CSNK2A2: variants seen among roughly 807,000 people sequenced by gnomAD.
The protein encoded by CSNK2A2 is casein kinase 2 alpha 2.
A neutral mutation model predicts 54.0 loss-of-function variants in CSNK2A2; 8 were observed. The observed-to-expected ratio is 0.15, with a 90% CI of 0.09 to 0.27. The LOEUF is 0.27. Ranked by LOEUF, CSNK2A2 falls within the 10% of genes least tolerant of loss-of-function variation. The pLI is 1.00. For synonymous variants in CSNK2A2, 141 were observed against 153.9 expected (o/e 0.92, Z 0.62); for missense variants, 242 against 439.4 (o/e 0.55, Z 4.02).
chr16:58,165,004 C>T (rs1961526043), intron 10 of CSNK2A2, among the ~76,000 whole-genome samples: 1 of 152,180 alleles, frequency 6.6e-6, no homozygotes, highest in South Asian at 2.1e-4. Context: ...TTGAAACACA[C>T]GTTATCAGAG....
At chr16:58,161,532 C>CAT (rs1567460703) in intron 11 of CSNK2A2, 2 of 140,700 alleles carry the variant, frequency 1.4e-5, no homozygotes, top group African/African-American at 5.6e-5. Context: ...CACAGACACA[C>CAT]ACACAGACAC....
intron 2 of CSNK2A2, 57 bp from the exon 3 acceptor site, chr16:58,186,913 C>G: frequency 7.3e-7 from 1 of 1,371,244 alleles, no homozygotes; most frequent in Non-Finnish European, 1.0e-6. Flanking sequence ...ATAAATAAAA[C>G]TTTAAAACAA....
intron 5 of CSNK2A2, among the ~76,000 whole-genome samples, chr16:58,173,297 C>T (rs1161243305): frequency 6.6e-6 from 1 of 152,312 alleles, no homozygotes; most frequent in South Asian, 2.1e-4. Flanking sequence ...TCAGCTTTCT[C>T]TAATAAAAAG....
intron 2 of CSNK2A2, among the ~76,000 whole-genome samples, chr16:58,188,247 T>C (rs907134181): frequency 3.9e-5 from 6 of 152,224 alleles, no homozygotes; most frequent in Admixed American, 3.3e-4. Context: ...GCTGCCATGA[T>C]GACACCCGCT....
At chr16:58,167,650 T>C (rs748788554) in intron 7 of CSNK2A2, 35 bp downstream of exon 7, 44 of 1,510,426 alleles carry the variant, frequency 2.9e-5, no homozygotes, top group Non-Finnish European at 3.9e-5. Flanking sequence ...TAAGCAAGTA[T>C]AAATAACCCA....
intron 4 of CSNK2A2, 32 bp from the exon 5 acceptor site, chr16:58,174,542 T>C (rs1186234273): frequency 1.1e-5 from 17 of 1,582,826 alleles, no homozygotes; most frequent in Non-Finnish European, 1.4e-5. Context: ...AGAAAGTTAA[T>C]TTAGTCTCAC....
chr16:58,171,581 T>C (rs1961737556), intron 5 of CSNK2A2, among the ~76,000 whole-genome samples: 1 of 151,854 alleles, frequency 6.6e-6, no homozygotes, highest in Admixed American at 6.6e-5. Flanking sequence ...CATATAAAGA[T>C]ATAATCTTCA....
chr16:58,170,039 C>CA (rs112142605), intron 5 of CSNK2A2, among the ~76,000 whole-genome samples: 387 of 143,394 alleles, frequency 2.7e-3, no homozygotes, highest in Admixed American at 4.5e-3. Context: ...AAGCGGGTCT[C>CA]AAAAAAAAAA....
At chr16:58,186,370 T>C (rs189381179) in intron 3 of CSNK2A2, among the ~76,000 whole-genome samples, 1 of 152,338 alleles carries the variant, frequency 6.6e-6, no homozygotes, top group East Asian at 1.9e-4. Flanking sequence ...ATTCATTCTT[T>C]CCTTGTGTAA....
At chr16:58,180,569 T>C (rs1242033106) in intron 4 of CSNK2A2, among the ~76,000 whole-genome samples, 1 of 152,164 alleles carries the variant, frequency 6.6e-6, no homozygotes, top group East Asian at 1.9e-4. Context: ...TTGAAAGACA[T>C]CTATCCATAT....
At chr16:58,192,117 G>A (rs1277252279) in intron 2 of CSNK2A2, among the ~76,000 whole-genome samples, 4 of 152,140 alleles carry the variant, frequency 2.6e-5, no homozygotes, top group Admixed American at 6.5e-5. Context: ...ACTTAAGCAG[G>A]AAATGTATGC....
intron 9 of CSNK2A2, among the ~76,000 whole-genome samples, chr16:58,166,242 T>TA (rs1961558679): frequency 6.6e-6 from 1 of 152,132 alleles, no homozygotes; most frequent in African/African-American, 2.4e-5. Flanking sequence ...GTAAATAAAA[T>TA]AAAATATAAT....
intron 2 of CSNK2A2, among the ~76,000 whole-genome samples, chr16:58,189,317 G>A (rs537671540): frequency 1.1e-3 from 160 of 152,142 alleles, no homozygotes; most frequent in Middle Eastern, 0.01. Flanking sequence ...AATGCCTTTC[G>A]ATATAAGAAA....
intron 5 of CSNK2A2, 46 bp downstream of exon 5, chr16:58,174,405 A>T: frequency 1.5e-6 from 2 of 1,333,424 alleles, no homozygotes; most frequent in Non-Finnish European, 2.1e-6. Flanking sequence ...CTTATCTTTT[A>T]ATGAACAGGC....
intron 10 of CSNK2A2, 40 bp downstream of exon 10, chr16:58,165,520 T>C: frequency 6.5e-7 from 1 of 1,548,408 alleles, no homozygotes; most frequent in Non-Finnish European, 8.7e-7. Flanking sequence ...TTTGTTCTCT[T>C]GACTGAATTA....
Position 58,184,072 on chromosome 16 carries a change from T to C in CSNK2A2, c.369+188A>G, listed in dbSNP as rs3743579. ...GTAGGCAAGGCAAAGGGTGATTAAG[T>C]AATTTCACCTAATGCAAGAACCCTA... On this transcript the variant is annotated intron_variant, in intron 4 of 11. Transcript: ENST00000262506. Among the ~76,000 whole-genome samples, 21,469 of 152,132 alleles carry C rather than the reference T, an allele frequency of 0.14. 1,953 individuals carry two copies. Among genetic ancestry groups the C allele is most frequent in the East Asian group, 0.36 (1,841 of 5,162 alleles).
At chr16:58,195,723 C>A (rs1284280308) in intron 2 of CSNK2A2, among the ~76,000 whole-genome samples, 1 of 152,086 alleles carries the variant, frequency 6.6e-6, no homozygotes, top group Admixed American at 6.6e-5. Flanking sequence ...AAAATTTAGC[C>A]GACCCTTCAT....
At chr16:58,196,644 A>C (rs1962460184) in intron 2 of CSNK2A2, 89 bp downstream of exon 2, 1 of 810,936 alleles carries the variant, frequency 1.2e-6, no homozygotes, top group African/African-American at 1.7e-5. Flanking sequence ...TCAAGCTTGC[A>C]TTGCCCATTA....
At chr16:58,177,459 T>C (rs942640579) in intron 4 of CSNK2A2, among the ~76,000 whole-genome samples, 9 of 152,192 alleles carry the variant, frequency 5.9e-5, no homozygotes, top group African/African-American at 1.4e-4. Flanking sequence ...AGGGCCTCCA[T>C]GGTGTAAAAC....
Sources: gnomAD v4.1 joint callset for allele counts (sites outside exome capture counted in the v4.1 genomes callset) on GRCh38, gnomAD v4.1.1 for gene constraint, MANE v1.5 for transcripts, NCBI Gene and HGNC (gene_info 2026-07-23, HGNC 2026-07-21) for gene names.